The following GALNT13 variants were observed in gnomAD, a reference collection of about 807,000 sequenced individuals.
GALNT13 encodes UDP-GalNAc:polypeptide N-acetylgalactosaminyltransferase 13.
Under a neutral mutation model 64.2 loss-of-function variants are expected in GALNT13, and 28 were observed. The ratio of observed to expected loss-of-function variants is 0.44; its 90% CI spans 0.32 to 0.60. GALNT13 has a LOEUF of 0.60. GALNT13 is among the 20% of genes least tolerant of loss of function. The pLI is 0.05. For synonymous variants in GALNT13, 214 were observed against 224.6 expected, an observed-to-expected ratio of 0.95 and a Z score of 0.42; for missense variants, 577 against 669.8, an observed-to-expected ratio of 0.86 and a Z score of 1.53.
At chr2:153,603,971 A>G in the GALNT13 span, among the ~76,000 whole-genome samples, 1 of 151,988 alleles carries the variant, frequency 6.6e-6, no homozygotes, top group Non-Finnish European at 1.5e-5. Flanking sequence ...CTCCTTTCCC[A>G]CAAATACCTT....
chr2:154,223,386 A>G (rs1445639790), intron 4 of GALNT13, among the ~76,000 whole-genome samples: 2 of 147,818 alleles, frequency 1.4e-5, no homozygotes, highest in Admixed American at 1.3e-4. Context: ...TCACTATGTT[A>G]TTGTAGATGG....
At chr2:153,488,847 C>T in the GALNT13 span, among the ~76,000 whole-genome samples, 1 of 152,178 alleles carries the variant, frequency 6.6e-6, no homozygotes, top group Non-Finnish European at 1.5e-5. Context: ...GTGCTCCTCC[C>T]TTATTAGTGG....
chr2:153,950,493 T>G (rs1013083127), intron 3 of GALNT13, among the ~76,000 whole-genome samples: 1 of 152,086 alleles, frequency 6.6e-6, no homozygotes, highest in African/African-American at 2.4e-5. Flanking sequence ...GTCTCTACAT[T>G]TTTATAATAA....
At chr2:153,298,009 G>A in the GALNT13 span, among the ~76,000 whole-genome samples, 1 of 152,144 alleles carries the variant, frequency 6.6e-6, no homozygotes, top group Non-Finnish European at 1.5e-5. Flanking sequence ...AACTAGGCTG[G>A]TTCTGAGCAT....
chr2:154,122,864 G>C (rs1392611834), intron 3 of GALNT13, among the ~76,000 whole-genome samples: 1 of 151,518 alleles, frequency 6.6e-6, no homozygotes, highest in African/African-American at 2.4e-5. Context: ...AATACTAAAA[G>C]TGTACATTTA....
At chr2:153,844,366 AC>A in the GALNT13 span, among the ~76,000 whole-genome samples, 15,667 of 152,106 alleles carry the variant, frequency 0.1, 1,019 homozygotes, top group African/African-American at 0.17. Context: ...CTGTACCTAG[AC>A]CCCTTTAAGC....
At chr2:153,883,045 T>C (rs1686889479) in intron 1 of GALNT13, among the ~76,000 whole-genome samples, 1 of 145,816 alleles carries the variant, frequency 6.9e-6, no homozygotes, top group Non-Finnish European at 1.5e-5. Context: ...TTTTTATATA[T>C]ATATCTATAT....
At chr2:153,600,315 T>G in the GALNT13 span, among the ~76,000 whole-genome samples, 3 of 152,074 alleles carry the variant, frequency 2.0e-5, no homozygotes, top group Non-Finnish European at 4.4e-5. Flanking sequence ...TTTTATTTTT[T>G]TTTCAAAACC....
chr2:153,730,753 C>T, the GALNT13 span, among the ~76,000 whole-genome samples: 1 of 151,846 alleles, frequency 6.6e-6, no homozygotes, highest in African/African-American at 2.4e-5. Flanking sequence ...ACACACATTT[C>T]TCAAAAGAAG....
At chr2:154,200,810 A>G (rs1219528407) in intron 4 of GALNT13, among the ~76,000 whole-genome samples, 1 of 152,130 alleles carries the variant, frequency 6.6e-6, no homozygotes, top group Non-Finnish European at 1.5e-5. Context: ...GAGAGGACAC[A>G]TTCTGACTAT....
chr2:153,120,743 G>A, the GALNT13 span, among the ~76,000 whole-genome samples: 3 of 152,132 alleles, frequency 2.0e-5, no homozygotes, highest in East Asian at 3.9e-4. Flanking sequence ...GAAGCTTGGA[G>A]TTAGAGCCAG....
the GALNT13 span, among the ~76,000 whole-genome samples, chr2:153,655,368 T>G: frequency 2.0e-5 from 3 of 152,176 alleles, no homozygotes; most frequent in Admixed American, 1.3e-4. Flanking sequence ...GCATTTTCTC[T>G]GTACAAATTA....
intron 9 of GALNT13, among the ~76,000 whole-genome samples, chr2:154,322,366 C>T (rs1289669686): frequency 6.6e-6 from 1 of 151,768 alleles, no homozygotes; most frequent in Non-Finnish European, 1.5e-5. Flanking sequence ...GATGATTTAG[C>T]AGCACTCACT....
At chr2:153,219,923 C>T in the GALNT13 span, among the ~76,000 whole-genome samples, 1 of 152,164 alleles carries the variant, frequency 6.6e-6, no homozygotes, top group Non-Finnish European at 1.5e-5. Context: ...AGGTGCTGCT[C>T]TAAAATGTAC....
the GALNT13 span, among the ~76,000 whole-genome samples, chr2:153,476,306 T>C: frequency 6.6e-6 from 1 of 152,232 alleles, no homozygotes; most frequent in Non-Finnish European, 1.5e-5. Flanking sequence ...TCTGAGTAAA[T>C]GGAACACTTT....
chr2:153,698,613 A>G, the GALNT13 span, among the ~76,000 whole-genome samples: 1 of 152,186 alleles, frequency 6.6e-6, no homozygotes, highest in Admixed American at 6.5e-5. Flanking sequence ...AGACCTACAA[A>G]GAGACTTAGA....
At chr2:154,196,826 C>G (rs748614965) in intron 4 of GALNT13, among the ~76,000 whole-genome samples, 2 of 152,186 alleles carry the variant, frequency 1.3e-5, no homozygotes, top group African/African-American at 4.8e-5. Context: ...CTAAAATTAT[C>G]ATTTCATGAC....
chr2:154,339,981 G>A (rs536487482), intron 9 of GALNT13, among the ~76,000 whole-genome samples: 11 of 152,158 alleles, frequency 7.2e-5, no homozygotes, highest in Non-Finnish European at 1.0e-4. Context: ...GTATTTTGCA[G>A]GTGTATTAGG....
chr2:154,239,219 T>C (rs1689351128), intron 4 of GALNT13, among the ~76,000 whole-genome samples: 1 of 152,200 alleles, frequency 6.6e-6, no homozygotes. Context: ...TAAGATGCTG[T>C]ATCGAAATAT....
Sources: allele counts gnomAD v4.1 joint callset (sites outside exome capture counted in the v4.1 genomes callset), GRCh38; gene constraint gnomAD v4.1.1; transcripts MANE v1.5; gene names NCBI Gene and HGNC (gene_info 2026-07-23, HGNC 2026-07-21).